The following AGBL1 variants were observed in gnomAD, a reference collection of about 807,000 sequenced individuals.
AGBL1 encodes AGBL carboxypeptidase 1.
Under a neutral mutation model 118.9 loss-of-function variants are expected in AGBL1, and 130 were observed. The observed-to-expected ratio is 1.09, with a 90% CI of 0.95 to 1.26. The LOEUF is 1.26. AGBL1 is among the 50% of genes most tolerant of loss of function. AGBL1 has a pLI of 0.00. For synonymous variants in AGBL1, 555 were observed against 478.9 expected (o/e 1.16, Z -2.08); for missense variants, 1,584 against 1,298.1 (o/e 1.22, Z -3.38).
intron 6 of AGBL1, among the ~76,000 whole-genome samples, chr15:86,230,468 G>C (rs185464151): frequency 2.5e-4 from 38 of 152,318 alleles, no homozygotes; most frequent in Non-Finnish European, 4.9e-4. Flanking sequence ...AGTACCAGTG[G>C]ATCAATGCAG....
intron 17 of AGBL1, among the ~76,000 whole-genome samples, chr15:86,395,778 T>C (rs2081351831): frequency 6.6e-6 from 1 of 151,240 alleles, no homozygotes; most frequent in Non-Finnish European, 1.5e-5. Flanking sequence ...AGATAGTCTT[T>C]AGGTTTTATT....
intron 22 of AGBL1, among the ~76,000 whole-genome samples, chr15:86,827,297 ATATATG>A (rs1464260305): frequency 0.35 from 8,004 of 23,010 alleles, 2,947 homozygotes; most frequent in East Asian, 0.73. Context: ...GTATGTATAT[ATATATG>A]TATATATATA....
At chr15:86,880,715 ATG>A (rs2079878768) in intron 22 of AGBL1, among the ~76,000 whole-genome samples, 1 of 151,870 alleles carries the variant, frequency 6.6e-6, no homozygotes, top group South Asian at 2.1e-4. Flanking sequence ...GCATTTGTAT[ATG>A]TGTTGCTGGG....
intron 22 of AGBL1, among the ~76,000 whole-genome samples, chr15:86,800,017 G>A (rs960012484): frequency 5.3e-5 from 8 of 152,004 alleles, no homozygotes; most frequent in South Asian, 2.1e-4. Context: ...TTTTGAGAGC[G>A]TCAAGTGGTT....
intron 24 of AGBL1, among the ~76,000 whole-genome samples, chr15:86,992,730 T>G (rs1255015073): frequency 6.8e-6 from 1 of 147,376 alleles, no homozygotes; most frequent in Non-Finnish European, 1.5e-5. Flanking sequence ...TTTTTTTTTG[T>G]AATGATTTTC....
intron 22 of AGBL1, among the ~76,000 whole-genome samples, chr15:86,884,833 C>A (rs952105666): frequency 6.6e-6 from 1 of 151,030 alleles, no homozygotes; most frequent in African/African-American, 2.4e-5. Flanking sequence ...AACTATAAAG[C>A]AATGCCATTG....
intron 21 of AGBL1, among the ~76,000 whole-genome samples, chr15:86,572,547 T>C (rs1480737023): frequency 6.6e-6 from 1 of 152,184 alleles, no homozygotes; most frequent in Admixed American, 6.5e-5. Flanking sequence ...GCCTCCTGCC[T>C]GCACCGTTCC....
chr15:86,738,372 C>A (rs2077630964), intron 22 of AGBL1, among the ~76,000 whole-genome samples: 1 of 151,746 alleles, frequency 6.6e-6, no homozygotes. Context: ...CTGGAAATGC[C>A]AGCCATAGCA....
At chr15:86,307,096 C>G (rs1265242347) in intron 17 of AGBL1, among the ~76,000 whole-genome samples, 2 of 151,114 alleles carry the variant, frequency 1.3e-5, no homozygotes, top group African/African-American at 4.9e-5. Flanking sequence ...TTTAAAAAAT[C>G]TTAACTCTCT....
chr15:86,750,757 C>G (rs866469789), intron 22 of AGBL1, among the ~76,000 whole-genome samples: 2 of 151,914 alleles, frequency 1.3e-5, no homozygotes, highest in Non-Finnish European at 2.9e-5. Flanking sequence ...CCTAGTACCT[C>G]TTAGTTATTT....
chr15:86,082,300 C>A (rs574892586), intron 1 of AGBL1, among the ~76,000 whole-genome samples: 2 of 152,230 alleles, frequency 1.3e-5, no homozygotes, highest in Non-Finnish European at 2.9e-5. Context: ...GTTAGCTGAA[C>A]CTGTCTCAGT....
chr15:86,347,079 A>G (rs997032375), intron 17 of AGBL1, among the ~76,000 whole-genome samples: 4 of 152,216 alleles, frequency 2.6e-5, no homozygotes, highest in African/African-American at 9.7e-5. Context: ...AAAGGTATAT[A>G]TTAATGACTT....
chr15:86,739,192 C>T (rs1241444399), intron 22 of AGBL1, among the ~76,000 whole-genome samples: 2 of 151,780 alleles, frequency 1.3e-5, no homozygotes, highest in Non-Finnish European at 2.9e-5. Flanking sequence ...GCCTGTAATC[C>T]CAGCACTTTG....
At chr15:86,527,814 C>T (rs933277773) in intron 19 of AGBL1, among the ~76,000 whole-genome samples, 14 of 152,130 alleles carry the variant, frequency 9.2e-5, no homozygotes, top group African/African-American at 3.4e-4. Flanking sequence ...ACCCTGAGAG[C>T]GTTGAGCATT....
intron 24 of AGBL1, among the ~76,000 whole-genome samples, chr15:87,007,222 G>T (rs2081513968): frequency 2.6e-5 from 4 of 151,996 alleles, no homozygotes; most frequent in Admixed American, 2.6e-4. Flanking sequence ...ATCAAGACCA[G>T]GTTCTTACGC....
intron 5 of AGBL1, among the ~76,000 whole-genome samples, chr15:86,205,800 C>T (rs1372658049): frequency 1.3e-5 from 2 of 152,078 alleles, no homozygotes; most frequent in Admixed American, 6.6e-5. Context: ...AATCAGCCTG[C>T]TTGTTTTCTT....
At chr15:86,085,018 C>T (rs1181373240) in intron 1 of AGBL1, among the ~76,000 whole-genome samples, 2 of 152,118 alleles carry the variant, frequency 1.3e-5, no homozygotes, top group African/African-American at 4.8e-5. Context: ...TTGGTACATG[C>T]CCAATAAGTA....
intron 18 of AGBL1, among the ~76,000 whole-genome samples, chr15:86,465,363 CA>C (rs2082388853): frequency 6.6e-6 from 1 of 152,066 alleles, no homozygotes; most frequent in Non-Finnish European, 1.5e-5. Context: ...GCATTATCTG[CA>C]AAAGTTGTTT....
At position 86,097,484 on chromosome 15, in the gene AGBL1, C is replaced by G. The variant is rs532169461; in HGVS notation, c.51+17461C>G. 8.7e-4 allele frequency among the ~76,000 whole-genome samples: 132 copies of G among 151,902 alleles called. 1 individual carries two copies. In the Middle Eastern group the frequency reaches 0.014, roughly 16 times the overall value. ...TCCTCCACATTGACTGCCACACACC[C>G]TTCCCAGCCTCTGATAATCAACAAG... On this transcript the variant is annotated intron_variant, in intron 1 of 22. Transcript: ENST00000614907.
Sources: allele counts gnomAD v4.1 joint callset (sites outside exome capture counted in the v4.1 genomes callset), GRCh38; gene constraint gnomAD v4.1.1; transcripts MANE v1.5; gene names NCBI Gene and HGNC (gene_info 2026-07-23, HGNC 2026-07-21).